Variants in VPS13B observed in about 807,000 individuals in gnomAD.
The protein encoded by VPS13B is intermembrane lipid transfer protein VPS13B.
In VPS13B, 285 loss-of-function variants were observed where a neutral mutation model predicts 426.4. That is an observed-to-expected ratio of 0.67 (90% CI 0.61 to 0.74). The LOEUF (loss-of-function observed/expected upper bound fraction) is 0.74. Ranked by LOEUF, VPS13B falls within the 30% of genes least tolerant of loss-of-function variation. The pLI, the probability that VPS13B is intolerant of heterozygous loss-of-function variation, is 0.00. For synonymous variants in VPS13B, 1,676 were observed against 1,676.4 expected, an observed-to-expected ratio of 1.00 and a Z score of 0.01; for missense variants, 4,537 against 4,782.6, an observed-to-expected ratio of 0.95 and a Z score of 1.51.
intron 21 of VPS13B, among the ~76,000 whole-genome samples, chr8:99,418,455 TTTTCTTTCTTTC>T (rs59187307): frequency 0.067 from 8,172 of 122,704 alleles, 310 homozygotes; most frequent in Middle Eastern, 0.11. Flanking sequence ...TTTATCATAG[TTTTCTTTCTTTC>T]TTTCTTTCTT....
chr8:99,101,271 A>G (rs569317803), intron 4 of VPS13B, among the ~76,000 whole-genome samples: 1 of 152,068 alleles, frequency 6.6e-6, no homozygotes, highest in Non-Finnish European at 1.5e-5. Context: ...AGCTGGGACT[A>G]CAGGTGCCTG....
intron 36 of VPS13B, among the ~76,000 whole-genome samples, chr8:99,701,308 A>G (rs1832271478): frequency 6.6e-6 from 1 of 152,190 alleles, no homozygotes; most frequent in Non-Finnish European, 1.5e-5. Context: ...GTCTGTTCCC[A>G]TGCCTTTCCA....
chr8:99,666,463 A>C (rs1260144409), intron 35 of VPS13B, among the ~76,000 whole-genome samples: 1 of 152,158 alleles, frequency 6.6e-6, no homozygotes, highest in African/African-American at 2.4e-5. Flanking sequence ...ATCCACCATG[A>C]TCAAGTGGGC....
At chr8:99,254,876 C>G (rs1372501511) in intron 17 of VPS13B, among the ~76,000 whole-genome samples, 1 of 152,086 alleles carries the variant, frequency 6.6e-6, no homozygotes, top group Non-Finnish European at 1.5e-5. Context: ...CTTCTGACCT[C>G]AGGTGATCCA....
At chr8:99,691,639 G>A (rs977783483) in intron 35 of VPS13B, among the ~76,000 whole-genome samples, 2 of 149,350 alleles carry the variant, frequency 1.3e-5, no homozygotes, top group African/African-American at 2.5e-5. Context: ...ATCAACTAAC[G>A]AGCAAAATCA....
At chr8:99,431,452 G>GA in intron 21 of VPS13B, 85 bp from the exon 22 acceptor site, 1 of 1,513,236 alleles carries the variant, frequency 6.6e-7, no homozygotes, top group South Asian at 1.2e-5. Context: ...AGCAAGGAAA[G>GA]AAACAATCTT....
intron 20 of VPS13B, among the ~76,000 whole-genome samples, chr8:99,390,462 T>G (rs1814378061): frequency 6.6e-6 from 1 of 152,202 alleles, no homozygotes; most frequent in South Asian, 2.1e-4. Context: ...TAATATGCCC[T>G]TTTCCATGTT....
chr8:99,408,138 T>G (rs1815431722), intron 21 of VPS13B, among the ~76,000 whole-genome samples: 1 of 152,132 alleles, frequency 6.6e-6, no homozygotes. Flanking sequence ...TGTAACGACT[T>G]TGACTAATAA....
chr8:99,646,500 G>C (rs1387947940), intron 34 of VPS13B, among the ~76,000 whole-genome samples: 1 of 152,120 alleles, frequency 6.6e-6, no homozygotes, highest in Admixed American at 6.6e-5. Flanking sequence ...ACTGCAGCCT[G>C]GATGACAGAT....
chr8:99,137,362 T>G (rs1485071453), intron 12 of VPS13B, among the ~76,000 whole-genome samples: 11 of 152,096 alleles, frequency 7.2e-5, no homozygotes, highest in Admixed American at 5.2e-4. Flanking sequence ...TTTTTCATGT[T>G]TTATAAAAAT....
intron 35 of VPS13B, among the ~76,000 whole-genome samples, chr8:99,665,702 T>A (rs1294980867): frequency 6.6e-6 from 1 of 152,214 alleles, no homozygotes; most frequent in African/African-American, 2.4e-5. Flanking sequence ...ACCAGTACCA[T>A]GCTGTTTTGG....
intron 15 of VPS13B, among the ~76,000 whole-genome samples, chr8:99,165,183 G>T (rs1188139363): frequency 6.6e-6 from 1 of 152,030 alleles, no homozygotes; most frequent in African/African-American, 2.4e-5. Context: ...CATTTTTGTG[G>T]TGAGAACTGT....
At chr8:99,430,505 C>T (rs999709908) in intron 21 of VPS13B, among the ~76,000 whole-genome samples, 2 of 151,978 alleles carry the variant, frequency 1.3e-5, no homozygotes, top group East Asian at 1.9e-4. Flanking sequence ...AGTTATAATA[C>T]ATTACTATAA....
intron 3 of VPS13B, among the ~76,000 whole-genome samples, chr8:99,088,351 CATT>C (rs1845957898): frequency 6.6e-6 from 1 of 152,000 alleles, no homozygotes; most frequent in African/African-American, 2.4e-5. Context: ...TTGCAGATCT[CATT>C]AGCATCATTT....
chr8:99,268,944 T>G (rs1818441219), intron 17 of VPS13B, among the ~76,000 whole-genome samples: 1 of 152,126 alleles, frequency 6.6e-6, no homozygotes, highest in Non-Finnish European at 1.5e-5. Flanking sequence ...CATGCTGTTC[T>G]TGTGATAGTG....
intron 19 of VPS13B, chr8:99,346,815 T>G (rs1035491862): frequency 1.3e-5 from 2 of 152,614 alleles, no homozygotes; most frequent in African/African-American, 4.8e-5. Context: ...GCCTCCAATT[T>G]GTACTTCTTC....
intron 31 of VPS13B, among the ~76,000 whole-genome samples, chr8:99,569,130 C>T (rs1825344208): frequency 6.6e-6 from 1 of 152,182 alleles, no homozygotes; most frequent in East Asian, 1.9e-4. Flanking sequence ...CCGATTACCA[C>T]AAGTTTTAAG....
At chr8:99,077,460 G>A (rs1161092425) in intron 3 of VPS13B, among the ~76,000 whole-genome samples, 7 of 151,854 alleles carry the variant, frequency 4.6e-5, no homozygotes, top group African/African-American at 1.2e-4. Flanking sequence ...TTGGGTCCCC[G>A]TGCCTGGCCT....
At chr8:99,772,829 C>A (rs1811575881) in intron 40 of VPS13B, among the ~76,000 whole-genome samples, 1 of 152,130 alleles carries the variant, frequency 6.6e-6, no homozygotes, top group African/African-American at 2.4e-5. Flanking sequence ...TCCTCTCTCA[C>A]CTCTCTCCTG....
Sources: allele counts gnomAD v4.1 joint callset (sites outside exome capture counted in the v4.1 genomes callset), GRCh38; gene constraint gnomAD v4.1.1; transcripts MANE v1.5; gene names NCBI Gene and HGNC (gene_info 2026-07-23, HGNC 2026-07-21).